Variants in LRRFIP2 observed in about 807,000 individuals in gnomAD.
LRRFIP2 encodes the protein LRR binding FLII interacting protein 2.
A neutral mutation model predicts 125.9 loss-of-function variants in LRRFIP2; 109 were observed. The ratio of observed to expected loss-of-function variants is 0.87; its 90% CI spans 0.74 to 1.01. The LOEUF is 1.01. Among genes scored for constraint, LRRFIP2 ranks in the 50% least tolerant of loss-of-function variants. The pLI is 0.00. For synonymous variants in LRRFIP2, 291 were observed against 293.1 expected (o/e 0.99, Z 0.07); for missense variants, 850 against 862.3 (o/e 0.99, Z 0.18).
At chr3:37,132,885 A>T (rs2095463924) in intron 2 of LRRFIP2, among the ~76,000 whole-genome samples, 1 of 152,234 alleles carries the variant, frequency 6.6e-6, no homozygotes, top group East Asian at 1.9e-4. Flanking sequence ...CATACATACA[A>T]AATAAATGGG....
At chr3:37,152,563 C>T (rs1417213968) in intron 1 of LRRFIP2, among the ~76,000 whole-genome samples, 1 of 152,114 alleles carries the variant, frequency 6.6e-6, no homozygotes, top group Non-Finnish European at 1.5e-5. Context: ...CCTGTCTCAG[C>T]CTCCCGAGTA....
At chr3:37,059,347 A>T (rs951516717) in intron 24 of LRRFIP2, among the ~76,000 whole-genome samples, 6 of 152,012 alleles carry the variant, frequency 3.9e-5, no homozygotes, top group Non-Finnish European at 8.8e-5. Context: ...CCTCATCTCT[A>T]AAAAAAATAA....
chr3:37,111,106 T>C, intron 8 of LRRFIP2, 41 bp from the exon 9 acceptor site: 3 of 1,542,268 alleles, frequency 1.9e-6, no homozygotes, highest in Non-Finnish European at 2.7e-6. Context: ...TTAGGCTAAA[T>C]GTTAATAACC....
rs372245664 is a variant in LRRFIP2, at chr3:37,097,422, A to T, written c.874-762T>A. Among the ~76,000 whole-genome samples, 16 of 152,180 alleles carry T rather than the reference A, an allele frequency of 1.1e-4. 1 individual carries two copies. The highest frequency in any genetic ancestry group is 9.6e-4 in the East Asian group (5 of 5,200). On this transcript the variant is annotated intron_variant, in intron 15 of 27. Coordinates refer to ENST00000336686, the MANE Select transcript of LRRFIP2 (RefSeq NM_006309.4). ...TTCATAGCATTTATCACTCCCTGACACTACGGTATTTATCCATTTATTTAT... is the reference window on the plus strand; with the variant it reads ...TTCATAGCATTTATCACTCCCTGACTCTACGGTATTTATCCATTTATTTAT...
chr3:37,121,604 A>G (rs1225705057), intron 5 of LRRFIP2, 31 bp downstream of exon 5: 6 of 1,613,732 alleles, frequency 3.7e-6, no homozygotes, highest in East Asian at 2.2e-5. Context: ...GAGGAAAAGT[A>G]TTAGAGGCAA....
At position 37,053,814 on chromosome 3, in the gene LRRFIP2, C is replaced by T. The variant is rs779060738; in HGVS notation, c.*37G>A. On this transcript the variant is annotated 3_prime_UTR_variant, in exon 28 of 28. Transcript: ENST00000336686. Reference sequence around the variant, plus strand: ...CAAAAGTCAGTCCCTCTAGGTAGGGCCCCAAGGAGCATCACCCAGGTTGAA... The same window carrying T: ...CAAAAGTCAGTCCCTCTAGGTAGGGTCCCAAGGAGCATCACCCAGGTTGAA... 3 of 1,387,832 alleles carry T rather than the reference C, an allele frequency of 2.2e-6. No homozygotes were observed. Among genetic ancestry groups the T allele is most frequent in the Non-Finnish European group, 3.1e-6 (3 of 973,634 alleles). 86.0% of individuals were successfully genotyped at this position (1,387,832 alleles called of 1,614,324 possible).
chr3:37,164,221 A>G (rs1280824415), intron 1 of LRRFIP2, among the ~76,000 whole-genome samples: 3 of 152,212 alleles, frequency 2.0e-5, no homozygotes, highest in African/African-American at 7.2e-5. Context: ...CAAGTATGAT[A>G]TACCACATGG....
At chr3:37,127,741 C>T (rs1178429591) in intron 3 of LRRFIP2, 61 bp from the exon 4 acceptor site, 1 of 1,306,226 alleles carries the variant, frequency 7.7e-7, no homozygotes. Context: ...CTCCAAAAAC[C>T]TTAAATTAAT....
Position 37,076,907 on chromosome 3 carries a change from A to T in LRRFIP2, c.1279-1791T>A, listed in dbSNP as rs542363647. ...AAAAACTAGAAAGAAAGAAAACACTAACTGCATAGAATAATAAGCTACGGA... is the reference window on the plus strand; with the variant it reads ...AAAAACTAGAAAGAAAGAAAACACTTACTGCATAGAATAATAAGCTACGGA... On this transcript the variant is annotated intron_variant, in intron 19 of 27. Coordinates refer to ENST00000336686, the MANE Select transcript of LRRFIP2 (RefSeq NM_006309.4). Among the ~76,000 whole-genome samples the T allele has an allele frequency of 7.2e-5, 11 of 152,234 alleles. No homozygotes were observed. The South Asian group carries it at 2.1e-3, about 29-fold the overall frequency.
At chr3:37,091,658 A>G (rs539307314) in intron 17 of LRRFIP2, 120 bp from the exon 18 acceptor site, 14 of 699,066 alleles carry the variant, frequency 2.0e-5, no homozygotes, top group Admixed American at 1.9e-4. Flanking sequence ...CAGAGAAATC[A>G]AAGTACAAAA....
chr3:37,121,568 T>G, intron 5 of LRRFIP2, 32 bp from the exon 6 acceptor site: 1 of 1,613,142 alleles, frequency 6.2e-7, no homozygotes, highest in East Asian at 2.2e-5. Flanking sequence ...ACAGTAAAAG[T>G]TTGTGAGTGA....
At chr3:37,143,405 CAG>C (rs1484283459) in intron 2 of LRRFIP2, 2 of 162,930 alleles carry the variant, frequency 1.2e-5, no homozygotes, top group African/African-American at 2.4e-5. Context: ...AGTCAGGGGA[CAG>C]GGGAGAGAAG....
chr3:37,162,061 C>G (rs751557256), intron 1 of LRRFIP2, among the ~76,000 whole-genome samples: 1 of 144,420 alleles, frequency 6.9e-6, no homozygotes, highest in Non-Finnish European at 1.5e-5. Flanking sequence ...GGGACTGAGG[C>G]AGGAGCATCG....
intron 7 of LRRFIP2, 115 bp downstream of exon 7, chr3:37,114,939 T>C (rs2094712217): frequency 1.2e-6 from 1 of 802,074 alleles, no homozygotes; most frequent in Admixed American, 2.3e-5. Context: ...TAGTCACACA[T>C]TTTCCCCAAA....
chr3:37,091,839 T>C (rs543579600), intron 17 of LRRFIP2, among the ~76,000 whole-genome samples: 2 of 152,322 alleles, frequency 1.3e-5, no homozygotes, highest in African/African-American at 4.8e-5. Flanking sequence ...AAAAGCTATA[T>C]AAATTATAAT....
intron 18 of LRRFIP2, among the ~76,000 whole-genome samples, chr3:37,084,194 A>G (rs1485033378): frequency 3.3e-5 from 5 of 152,204 alleles, no homozygotes; most frequent in African/African-American, 9.6e-5. Context: ...CACAGAATAC[A>G]GCCTCTCTTT....
chr3:37,097,196 CAAA>C (rs567057697), intron 15 of LRRFIP2, among the ~76,000 whole-genome samples: 3 of 120,520 alleles, frequency 2.5e-5, no homozygotes, highest in African/African-American at 3.0e-5. Context: ...TGCACATGAC[CAAA>C]AAAAAAAAAA....
Position 37,066,334 on chromosome 3 carries a change from A to G in LRRFIP2, c.1465-9T>C, listed in dbSNP as rs1371796477. On this transcript the variant is annotated splice_polypyrimidine_tract_variant and intron_variant, in intron 21 of 27. Coordinates refer to ENST00000336686, the MANE Select transcript of LRRFIP2 (RefSeq NM_006309.4). The stretch of plus-strand genomic sequence containing the variant: ...TTCTGTTTCTCTAGGGCCTGGTTTT[A>G]GGTAAGGTAGCAAGGGAAACAATGG... The G allele has an allele frequency of 6.2e-7, 1 of 1,608,266 alleles. No individual in the cohort carries two copies. The highest frequency in any genetic ancestry group is 8.5e-7 in the Non-Finnish European group (1 of 1,174,666).
Position 37,166,329 on chromosome 3 carries a change from AATAAC to A in LRRFIP2, c.-56+8205_-56+8209del, listed in dbSNP as rs538254093. On this transcript the variant is annotated intron_variant, in intron 1 of 27. Coordinates refer to ENST00000336686, the MANE Select transcript of LRRFIP2 (RefSeq NM_006309.4). Reference sequence around the variant, plus strand: ...TGGGCAGAGCAAGACTCCATCTTAAAATAACATAACATAAAATAAAATAAAATAAA... The same window carrying A: ...TGGGCAGAGCAAGACTCCATCTTAAAATAACATAAAATAAAATAAAATAAA... Among the ~76,000 whole-genome samples, 1,470 of 152,116 alleles carry A rather than the reference AATAAC, an allele frequency of 9.7e-3. 32 individuals carry two copies. Among genetic ancestry groups the A allele is most frequent in the African/African-American group, 0.034 (1,390 of 41,482 alleles).
Sources: gnomAD v4.1 joint callset for allele counts (sites outside exome capture counted in the v4.1 genomes callset) on GRCh38, gnomAD v4.1.1 for gene constraint, MANE v1.5 for transcripts, NCBI Gene and HGNC (gene_info 2026-07-23, HGNC 2026-07-21) for gene names.